The following ENPP1 variants were observed in gnomAD, a reference collection of about 807,000 sequenced individuals.
ENPP1 encodes the protein ectonucleotide pyrophosphatase/phosphodiesterase family member 1.
In ENPP1, 73 loss-of-function variants were observed where a neutral mutation model predicts 122.8. The ratio of observed to expected loss-of-function variants is 0.59; its 90% CI spans 0.49 to 0.72. The LOEUF (loss-of-function observed/expected upper bound fraction) is 0.72. Among genes scored for constraint, ENPP1 ranks in the 30% least tolerant of loss-of-function variants. ENPP1 has a pLI of 0.00. For missense variants in ENPP1, 978 were observed against 1,128.1 expected, an observed-to-expected ratio of 0.87 and a Z score of 1.91; for synonymous variants, 367 against 391.6, an observed-to-expected ratio of 0.94 and a Z score of 0.74.
chr6:131,834,436 G>A (rs886665746), intron 1 of ENPP1, among the ~76,000 whole-genome samples: 1 of 152,068 alleles, frequency 6.6e-6, no homozygotes, highest in African/African-American at 2.4e-5. Context: ...CTCCTGGGCT[G>A]GTGTTACAGG....
In ENPP1 at chr6:131,835,252, A is replaced by T. The variant is rs189534691; in HGVS notation, c.241-12524A>T. Among the ~76,000 whole-genome samples the T allele has an allele frequency of 2.0e-5, 3 of 152,260 alleles. No homozygotes were observed. The East Asian group carries it at 5.8e-4, about 29-fold the overall frequency. On this transcript the variant is annotated intron_variant, in intron 1 of 24. Transcript: ENST00000647893. ...TTTCTTAAGCCAGTCTTTTAATTTG[A>T]TGTTTCATTTTAACCTTTCCTTCTA... is the stretch of plus-strand genomic sequence containing the variant.
chr6:131,870,648 C>A (rs1171384210), intron 13 of ENPP1, among the ~76,000 whole-genome samples: 2 of 152,170 alleles, frequency 1.3e-5, no homozygotes, highest in Non-Finnish European at 2.9e-5. Context: ...GATTTCACTG[C>A]AGGAAAATGG....
chr6:131,844,683 A>G (rs150412770), intron 1 of ENPP1, among the ~76,000 whole-genome samples: 31 of 152,350 alleles, frequency 2.0e-4, no homozygotes, highest in African/African-American at 7.2e-4. Flanking sequence ...TGGGAATGCT[A>G]ACACTGCCAT....
At chr6:131,839,953 A>G (rs1429286518) in intron 1 of ENPP1, among the ~76,000 whole-genome samples, 2 of 152,118 alleles carry the variant, frequency 1.3e-5, no homozygotes, top group East Asian at 1.9e-4. Context: ...TTTCTTATAC[A>G]TAGTACTGTA....
intron 1 of ENPP1, among the ~76,000 whole-genome samples, chr6:131,832,406 C>A (rs1010934686): frequency 6.6e-6 from 1 of 152,090 alleles, no homozygotes; most frequent in Non-Finnish European, 1.5e-5. Flanking sequence ...GATAAATAAC[C>A]AGGTTATTCC....
chr6:131,853,196 A>C (rs1372923038), intron 5 of ENPP1, among the ~76,000 whole-genome samples: 2 of 152,124 alleles, frequency 1.3e-5, no homozygotes, highest in East Asian at 3.9e-4. Context: ...AGTACTTTTG[A>C]TTTAAATAAG....
At chr6:131,815,120 G>A (rs1417035942) in intron 1 of ENPP1, among the ~76,000 whole-genome samples, 1 of 152,230 alleles carries the variant, frequency 6.6e-6, no homozygotes, top group African/African-American at 2.4e-5. Flanking sequence ...AGATGGAGGA[G>A]ATAGTGAAGG....
chr6:131,826,266 T>C lies in ENPP1; in HGVS notation c.240+17991T>C, dbSNP rs376617062. ...GTAGCATCTCACTGTTGTTGTTGGT[T>C]ACAGCACAGTACTGCAAATTACTCA... On this transcript the variant is annotated intron_variant, in intron 1 of 24. Transcript: ENST00000647893. 1,669 of 1,173,264 alleles carry C rather than the reference T, an allele frequency of 1.4e-3. 30 individuals are homozygous for C. In the South Asian group the frequency reaches 0.02, roughly 14 times the overall value. The allele number at this position is 1,173,264 out of a possible 1,614,324, so 72.7% of individuals were successfully genotyped here.
intron 13 of ENPP1, among the ~76,000 whole-genome samples, chr6:131,871,456 T>C (rs1430761831): frequency 6.6e-6 from 1 of 152,190 alleles, no homozygotes; most frequent in Non-Finnish European, 1.5e-5. Flanking sequence ...TCATTGAATA[T>C]TGAAGTATAC....
rs185488847 is a variant in ENPP1, at chr6:131,827,835, C to A, written c.240+19560C>A. Reference sequence around the variant, plus strand: ...TTCTGGAATCTATGTCAGTTGAACACCCTGAGGACGAAAGCAAAATCTTGG... The same window carrying A: ...TTCTGGAATCTATGTCAGTTGAACAACCTGAGGACGAAAGCAAAATCTTGG... On this transcript the variant is annotated intron_variant, in intron 1 of 24. Coordinates refer to ENST00000647893, the MANE Select transcript of ENPP1 (RefSeq NM_006208.3). 65 of 1,336,570 alleles carry A rather than the reference C, an allele frequency of 4.9e-5. No individual in the cohort carries two copies. The East Asian group carries it at 1.4e-3, about 28-fold the overall frequency. The allele number at this position is 1,336,570 out of a possible 1,614,324, so 82.8% of individuals were successfully genotyped here.
chr6:131,882,286 A>G (rs966629337), intron 20 of ENPP1, 59 bp from the exon 21 acceptor site: 1 of 1,473,388 alleles, frequency 6.8e-7, no homozygotes, highest in African/African-American at 1.4e-5. Flanking sequence ...AAATATTAAT[A>G]AAGCAATTTT....
intron 24 of ENPP1, among the ~76,000 whole-genome samples, chr6:131,888,370 T>C (rs1048803538): frequency 6.6e-6 from 1 of 151,982 alleles, no homozygotes; most frequent in Non-Finnish European, 1.5e-5. Flanking sequence ...CAGTATGAGC[T>C]CAGCAGGAAA....
At chr6:131,811,376 A>ATATATCTATATATCTATATC (rs1781349628) in intron 1 of ENPP1, among the ~76,000 whole-genome samples, 1 of 131,280 alleles carries the variant, frequency 7.6e-6, no homozygotes, top group South Asian at 2.5e-4. Flanking sequence ...ATCTATATCT[A>ATATATCTATATATCTATATC]TATATCTATA....
intron 13 of ENPP1, among the ~76,000 whole-genome samples, chr6:131,870,264 C>T (rs1286370049): frequency 6.6e-6 from 1 of 152,180 alleles, no homozygotes; most frequent in East Asian, 1.9e-4. Context: ...TGATTCCTGT[C>T]CTCCCTTAAA....
chr6:131,888,583 A>G (rs1782419892), intron 24 of ENPP1, among the ~76,000 whole-genome samples: 1 of 152,164 alleles, frequency 6.6e-6, no homozygotes, highest in African/African-American at 2.4e-5. Flanking sequence ...AAATTCATGA[A>G]GATATGTCTC....
chr6:131,869,950 C>T (rs1782140554), intron 13 of ENPP1, among the ~76,000 whole-genome samples: 1 of 151,472 alleles, frequency 6.6e-6, no homozygotes, highest in Non-Finnish European at 1.5e-5. Context: ...ATTAAATCTC[C>T]AATGCAGAGC....
intron 1 of ENPP1, among the ~76,000 whole-genome samples, chr6:131,845,602 C>T (rs922593777): frequency 1.3e-5 from 2 of 151,570 alleles, no homozygotes; most frequent in African/African-American, 4.8e-5. Context: ...GGATTATAGG[C>T]GTGCATCACC....
chr6:131,887,749 T>G (rs1782402845), intron 24 of ENPP1, among the ~76,000 whole-genome samples: 1 of 132,464 alleles, frequency 7.5e-6, no homozygotes, highest in African/African-American at 3.0e-5. Flanking sequence ...TTTTTTTTAG[T>G]AGAGATGGGG....
At chr6:131,882,106 G>A (rs1782318770) in intron 20 of ENPP1, among the ~76,000 whole-genome samples, 1 of 151,506 alleles carries the variant, frequency 6.6e-6, no homozygotes, top group South Asian at 2.1e-4. Context: ...TTTCATATTA[G>A]CATAGCAGAA....
Sources: gnomAD v4.1 joint callset for allele counts (sites outside exome capture counted in the v4.1 genomes callset) on GRCh38, gnomAD v4.1.1 for gene constraint, MANE v1.5 for transcripts, NCBI Gene and HGNC (gene_info 2026-07-23, HGNC 2026-07-21) for gene names.